The following LRP6 variants were observed in gnomAD, a reference collection of about 807,000 sequenced individuals.
LRP6 encodes the protein LDL receptor related protein 6, also known as low-density lipoprotein receptor-related protein 6.
In LRP6, 43 loss-of-function variants were observed where a neutral mutation model predicts 184.1. The ratio of observed to expected loss-of-function variants is 0.23; its 90% confidence interval spans 0.18 to 0.30. LRP6 has a LOEUF of 0.30. Ranked by LOEUF, LRP6 falls within the 10% of genes least tolerant of loss-of-function variation. LRP6 has a pLI of 1.00. For synonymous variants in LRP6, 719 were observed against 684.9 expected (o/e 1.05, Z -0.78); for missense variants, 1,571 against 2,005.3 (o/e 0.78, Z 4.14).
At chr12:12,241,683 C>A (rs1398298796) in intron 2 of LRP6, among the ~76,000 whole-genome samples, 1 of 152,174 alleles carries the variant, frequency 6.6e-6, no homozygotes, top group Middle Eastern at 3.2e-3. Context: ...CCCACATTAA[C>A]CACACACATC....
intron 8 of LRP6, 124 bp downstream of exon 8, chr12:12,164,955 A>AAAAAAAAAAAAAAAAAG: frequency 1.9e-6 from 1 of 528,568 alleles, no homozygotes; most frequent in East Asian, 3.8e-5. Flanking sequence ...AAAAAAAAAA[A>AAAAAAAAAAAAAAAAAG]GGCGGGGGGG....
chr12:12,234,405 G>A lies in LRP6; in HGVS notation c.449+9857C>T, dbSNP rs539969319. On this transcript the variant is annotated intron_variant, in intron 2 of 22. Coordinates refer to ENST00000261349, the MANE Select transcript of LRP6 (RefSeq NM_002336.3). ...GCGGAGGTTGCAGTGAGCCCAGATC[G>A]TGCCACTACACTCCAGCCTGGGCGA... 5.3e-5 allele frequency among the ~76,000 whole-genome samples: 8 copies of A among 152,032 alleles called. No homozygotes were observed. The East Asian group carries it at 1.2e-3, about 22-fold the overall frequency.
intron 16 of LRP6, among the ~76,000 whole-genome samples, chr12:12,137,057 A>C (rs1391451779): frequency 6.6e-6 from 1 of 152,198 alleles, no homozygotes; most frequent in Non-Finnish European, 1.5e-5. Flanking sequence ...TTAACTTTCT[A>C]ATTCTCAATT....
intron 2 of LRP6, among the ~76,000 whole-genome samples, chr12:12,243,688 G>A (rs576691399): frequency 2.7e-4 from 41 of 152,250 alleles, no homozygotes; most frequent in Non-Finnish European, 4.6e-4. Context: ...AAGGCAGAGC[G>A]ATTGATCACT....
intron 16 of LRP6, 139 bp from the exon 17 acceptor site, chr12:12,135,439 T>TA: frequency 2.1e-6 from 1 of 467,608 alleles, no homozygotes; most frequent in East Asian, 3.2e-5. Context: ...TCTTTTTTTT[T>TA]ACTTTTATTA....
At chr12:12,151,146 T>G in intron 12 of LRP6, 108 bp from the exon 13 acceptor site, 1 of 1,037,886 alleles carries the variant, frequency 9.6e-7, no homozygotes, top group Non-Finnish European at 1.4e-6. Context: ...CAGACATAGA[T>G]GTTGAAGAGC....
At position 12,149,105 on chromosome 12, in the gene LRP6, G is replaced by T; in HGVS notation, c.3043C>A (p.Gln1015Lys). The stretch of plus-strand genomic sequence containing the variant: ...ATATCAATGCTGAGGTCATAGGGTT[G>T]TATTTCCAGGTTCTGACTCGGAACT... ...SSVPSQNLEI[Q>K]PYDLSIDIYS... Residue 1015 changes from glutamine (Q) to lysine (K), a missense_variant, in exon 14 of 23, where the codon CAA becomes AAA. By Grantham distance (53) the Gln-to-Lys change is moderately conservative. Coordinates refer to ENST00000261349, the MANE Select transcript of LRP6 (RefSeq NM_002336.3). 1.2e-6 allele frequency: 2 copies of T among 1,614,010 alleles called. No homozygotes were observed.
At chr12:12,180,916 T>C (rs557818605) in intron 6 of LRP6, 127 bp downstream of exon 6, 26 of 975,562 alleles carry the variant, frequency 2.7e-5, no homozygotes, top group South Asian at 2.1e-4. Context: ...TATCCTAAAA[T>C]AGACAGCCAT....
intron 11 of LRP6, 145 bp downstream of exon 11, chr12:12,159,635 C>G (rs1862692980): frequency 4.0e-6 from 3 of 746,656 alleles, no homozygotes; most frequent in Non-Finnish European, 6.6e-6. Context: ...CTATTAATAA[C>G]AAACAGGATA....
At chr12:12,189,958 T>C (rs570118635) in intron 3 of LRP6, among the ~76,000 whole-genome samples, 33 of 152,304 alleles carry the variant, frequency 2.2e-4, no homozygotes, top group Admixed American at 2.6e-4. Context: ...GATGACCTTT[T>C]TGAGAGTAAA....
intron 1 of LRP6, among the ~76,000 whole-genome samples, chr12:12,257,838 G>A (rs1452052000): frequency 2.9e-5 from 4 of 138,262 alleles, no homozygotes; most frequent in East Asian, 4.4e-4. Context: ...GTGGTAGCAC[G>A]TGCCTATAGT....
chr12:12,164,604 A>G, intron 8 of LRP6, 42 bp from the exon 9 acceptor site: 1 of 1,569,770 alleles, frequency 6.4e-7, no homozygotes. Flanking sequence ...GGACACACAC[A>G]TTGATACATT....
At chr12:12,204,348 T>G (rs996596061) in intron 2 of LRP6, among the ~76,000 whole-genome samples, 6 of 148,862 alleles carry the variant, frequency 4.0e-5, no homozygotes, top group Admixed American at 1.3e-4. Context: ...CAAAGAGATA[T>G]GATAACTACA....
At chr12:12,230,314 G>C (rs1471746466) in intron 2 of LRP6, among the ~76,000 whole-genome samples, 1 of 152,006 alleles carries the variant, frequency 6.6e-6, no homozygotes, top group Non-Finnish European at 1.5e-5. Flanking sequence ...TATTTGATTA[G>C]GTAAGGATAA....
At chr12:12,161,430 G>T (rs925943713) in intron 10 of LRP6, among the ~76,000 whole-genome samples, 4 of 152,030 alleles carry the variant, frequency 2.6e-5, no homozygotes, top group African/African-American at 4.8e-5. Flanking sequence ...ACCATGCCTG[G>T]CTAATTTTTT....
chr12:12,218,850 GAAGAGACAAAGAATAGC>G (rs1864415536), intron 2 of LRP6, among the ~76,000 whole-genome samples: 1 of 152,040 alleles, frequency 6.6e-6, no homozygotes, highest in South Asian at 2.1e-4. Context: ...AAAAAACCAG[GAAGAGACAAAGAATAGC>G]AAATATTGCA....
At chr12:12,243,960 TA>T (rs763417084) in intron 2 of LRP6, among the ~76,000 whole-genome samples, 3 of 152,210 alleles carry the variant, frequency 2.0e-5, no homozygotes, top group East Asian at 3.9e-4. Context: ...AGCGCACACC[TA>T]AAGTCCCAGC....
At chr12:12,143,980 A>T (rs1949968586) in intron 15 of LRP6, among the ~76,000 whole-genome samples, 1 of 152,022 alleles carries the variant, frequency 6.6e-6, no homozygotes, top group Non-Finnish European at 1.5e-5. Context: ...TCATCCCTCA[A>T]CTCCCATGAA....
chr12:12,232,770 G>A (rs1043121768), intron 2 of LRP6, among the ~76,000 whole-genome samples: 1 of 152,124 alleles, frequency 6.6e-6, no homozygotes, highest in Non-Finnish European at 1.5e-5. Context: ...AATCCTCAGT[G>A]CATGCTAAAA....
Sources: gnomAD v4.1 joint callset for allele counts (sites outside exome capture counted in the v4.1 genomes callset) on GRCh38, gnomAD v4.1.1 for gene constraint, MANE v1.5 for transcripts, NCBI Gene and HGNC (gene_info 2026-07-23, HGNC 2026-07-21) for gene names.